The following DTWD2 variants were observed in gnomAD, a reference collection of about 807,000 sequenced individuals.
The protein encoded by DTWD2 is tRNA-uridine aminocarboxypropyltransferase 2.
In DTWD2, 39 loss-of-function variants were observed where a neutral mutation model predicts 31.8. The observed-to-expected ratio is 1.22, with a 90% CI of 0.95 to 1.60. The LOEUF (loss-of-function observed/expected upper bound fraction) is 1.60, where lower values mean the gene tolerates loss of function less well. Among genes scored for constraint, DTWD2 ranks in the 40% most tolerant of loss-of-function variants. The pLI, the probability that DTWD2 is intolerant of heterozygous loss-of-function variation, is 0.00. For missense variants in DTWD2, 515 were observed against 381.5 expected, an observed-to-expected ratio of 1.35 and a Z score of -2.92; for synonymous variants, 180 against 142.8, an observed-to-expected ratio of 1.26 and a Z score of -1.86.
rs113213191 is a variant in DTWD2, at chr5:118,967,057, CA to C, written c.218+21236del. ...AAAAAAAAAAAGACAATCAGTAACT[CA>C]AAAAAAAAAAAAGTCAAATAGTAAC... On this transcript the variant is annotated intron_variant, in intron 1 of 5. Transcript: ENST00000510708. Among the ~76,000 whole-genome samples, 340 of 134,940 alleles carry C rather than the reference CA, an allele frequency of 2.5e-3. 2 individuals are homozygous for C. The highest frequency in any genetic ancestry group is 3.7e-3 in the African/African-American group (138 of 36,816). The allele number at this position is 134,940 out of a possible 152,430, so 88.5% of individuals were successfully genotyped here.
intron 4 of DTWD2, among the ~76,000 whole-genome samples, chr5:118,858,458 G>C (rs564165809): frequency 6.6e-6 from 1 of 152,276 alleles, no homozygotes; most frequent in South Asian, 2.1e-4. Flanking sequence ...TGTCTTTTCG[G>C]TGTCTGTTTT....
At chr5:118,877,048 C>T (rs1412814262) in intron 4 of DTWD2, among the ~76,000 whole-genome samples, 1 of 152,204 alleles carries the variant, frequency 6.6e-6, no homozygotes, top group Non-Finnish European at 1.5e-5. Context: ...TAGGCTTTAT[C>T]CCTGGAATGC....
intron 4 of DTWD2, among the ~76,000 whole-genome samples, chr5:118,894,846 G>GA (rs1188534229): frequency 6.6e-6 from 1 of 151,984 alleles, no homozygotes. Context: ...ACCTGGTACA[G>GA]AAAAAACATA....
chr5:118,966,752 A>G (rs942764152), intron 1 of DTWD2, among the ~76,000 whole-genome samples: 2 of 152,186 alleles, frequency 1.3e-5, no homozygotes. Flanking sequence ...ATCAGAGGCC[A>G]GGCACAGTGG....
At chr5:118,885,492 G>A (rs564266334) in intron 4 of DTWD2, among the ~76,000 whole-genome samples, 5 of 145,702 alleles carry the variant, frequency 3.4e-5, no homozygotes, top group South Asian at 4.3e-4. Context: ...TTGGCCAGGC[G>A]CAGTGGCTCA....
chr5:118,869,150 A>C (rs1461798291), intron 4 of DTWD2, among the ~76,000 whole-genome samples: 1 of 152,172 alleles, frequency 6.6e-6, no homozygotes, highest in Non-Finnish European at 1.5e-5. Context: ...TGGTTGTAAA[A>C]TATGAGTGTA....
At chr5:118,951,903 C>T (rs986123002) in intron 1 of DTWD2, among the ~76,000 whole-genome samples, 28 of 152,118 alleles carry the variant, frequency 1.8e-4, no homozygotes, top group Admixed American at 1.3e-3. Flanking sequence ...GGTGTCCCCG[C>T]GTGATTAAAC....
intron 4 of DTWD2, among the ~76,000 whole-genome samples, chr5:118,907,030 C>T (rs1323142811): frequency 6.6e-6 from 1 of 152,186 alleles, no homozygotes; most frequent in Non-Finnish European, 1.5e-5. Context: ...TGATGACAAA[C>T]TATGCTAACA....
At chr5:118,886,788 T>C (rs901386062) in intron 4 of DTWD2, among the ~76,000 whole-genome samples, 2 of 152,328 alleles carry the variant, frequency 1.3e-5, no homozygotes, top group Admixed American at 6.5e-5. Context: ...TCTACAATTA[T>C]CTCAAAATAA....
At position 118,848,276 on chromosome 5, in the gene DTWD2, TTG is replaced by T. The variant is rs1580763699; in HGVS notation, c.598-60_598-59del. On this transcript the variant is annotated intron_variant, in intron 4 of 5. Coordinates refer to ENST00000510708, the MANE Select transcript of DTWD2 (RefSeq NM_173666.4). ...TGTTTTAAATTTAAAATTATAAAGT[TTG>T]TGTTTTAAATACTAATTACTTTCCT... 2.0e-6 allele frequency: 3 copies of T among 1,478,824 alleles called. No homozygotes were observed. The East Asian group carries it at 7.6e-5, about 37-fold the overall frequency. The allele number at this position is 1,478,824 out of a possible 1,614,324, so 91.6% of individuals were successfully genotyped here.
intron 4 of DTWD2, among the ~76,000 whole-genome samples, chr5:118,926,466 A>G (rs1753810993): frequency 6.6e-6 from 1 of 152,146 alleles, no homozygotes; most frequent in Non-Finnish European, 1.5e-5. Flanking sequence ...CGGGTGCACT[A>G]AAATCTCAGA....
intron 1 of DTWD2, among the ~76,000 whole-genome samples, chr5:118,985,490 T>TTATTTATATATA (rs1554072596): frequency 1.0e-4 from 10 of 95,414 alleles, no homozygotes; most frequent in African/African-American, 3.4e-4. Flanking sequence ...ATGTGCATTT[T>TTATTTATATATA]TATATATATA....
At chr5:118,867,432 A>G (rs1404312923) in intron 4 of DTWD2, among the ~76,000 whole-genome samples, 1 of 152,142 alleles carries the variant, frequency 6.6e-6, no homozygotes, top group Non-Finnish European at 1.5e-5. Context: ...TACATTATCT[A>G]TCCTACACCT....
At chr5:118,984,290 CA>C (rs58684460) in intron 1 of DTWD2, among the ~76,000 whole-genome samples, 266 of 139,858 alleles carry the variant, frequency 1.9e-3, no homozygotes, top group Middle Eastern at 3.8e-3. Context: ...AACTCCATCT[CA>C]AAAAAAAAAA....
intron 3 of DTWD2, among the ~76,000 whole-genome samples, chr5:118,938,894 T>C (rs542237856): frequency 1.3e-5 from 2 of 151,856 alleles, no homozygotes; most frequent in Admixed American, 6.6e-5. Context: ...AAGGCACTTT[T>C]AACAAAAATG....
intron 4 of DTWD2, among the ~76,000 whole-genome samples, chr5:118,863,577 T>C (rs1435588249): frequency 1.3e-5 from 2 of 152,210 alleles, no homozygotes; most frequent in African/African-American, 4.8e-5. Context: ...TGTCACTTCA[T>C]ACAGAAAAGA....
chr5:118,887,116 T>C (rs1268075066), intron 4 of DTWD2, among the ~76,000 whole-genome samples: 2 of 152,208 alleles, frequency 1.3e-5, no homozygotes, highest in Non-Finnish European at 2.9e-5. Context: ...CTAGAAACTA[T>C]ATGGTATAGT....
At chr5:118,941,277 T>G (rs1037116054) in intron 2 of DTWD2, among the ~76,000 whole-genome samples, 11 of 152,274 alleles carry the variant, frequency 7.2e-5, no homozygotes, top group African/African-American at 2.4e-4. Flanking sequence ...GCTGCACCCA[T>G]TAACTCGTCA....
In DTWD2 at chr5:118,941,668, A is replaced by T. The variant is rs1331945978; in HGVS notation, c.310-2378T>A. 4.6e-5 allele frequency among the ~76,000 whole-genome samples: 7 copies of T among 152,344 alleles called. No individual in the cohort carries two copies. In the South Asian group the frequency reaches 1.4e-3, roughly 32 times the overall value. ...GTGCATGTGTCTTTATAGCAGCATG[A>T]TTTATATTCCTTTGGGTATACACCC... On this transcript the variant is annotated intron_variant, in intron 2 of 5. Coordinates refer to ENST00000510708, the MANE Select transcript of DTWD2 (RefSeq NM_173666.4).
Sources: allele counts gnomAD v4.1 joint callset (sites outside exome capture counted in the v4.1 genomes callset), GRCh38; gene constraint gnomAD v4.1.1; transcripts MANE v1.5; gene names NCBI Gene and HGNC (gene_info 2026-07-23, HGNC 2026-07-21).